The following CYFIP2 variants were observed in gnomAD, a reference collection of about 807,000 sequenced individuals.
CYFIP2 encodes the protein cytoplasmic FMR1-interacting protein 2.
Under a neutral mutation model 158.7 loss-of-function variants are expected in CYFIP2, and 29 were observed. The ratio of observed to expected loss-of-function variants is 0.18; its 90% confidence interval spans 0.14 to 0.25. The LOEUF (loss-of-function observed/expected upper bound fraction) is 0.25, where lower values mean the gene tolerates loss of function less well. Ranked by LOEUF, CYFIP2 falls within the 10% of genes least tolerant of loss-of-function variation. CYFIP2 has a pLI of 1.00. For synonymous variants in CYFIP2, 585 were observed against 617.6 expected (o/e 0.95, Z 0.78); for missense variants, 852 against 1,639.5 (o/e 0.52, Z 8.29).
At position 157,266,564 on chromosome 5, in the gene CYFIP2, C is replaced by A. The variant is rs887525139; in HGVS notation, c.-24+369C>A. On this transcript the variant is annotated intron_variant, in intron 1 of 30. Transcript: ENST00000620254. The surrounding 1 kb of genome is among the most constrained non-coding windows in gnomAD (Gnocchi z 4.2). ...CCTGCAGCGGCCGCGAGCCCGGCAG[C>A]GGCGACATCCTCGAGTCCAGGTACT... 1 of 152,428 alleles carries A rather than the reference C, an allele frequency of 6.6e-6. No homozygotes were observed. The highest frequency in any genetic ancestry group is 2.4e-5 in the African/African-American group (1 of 41,456). 9.4% of individuals were successfully genotyped at this position (152,428 alleles called of 1,614,324 possible).
chr5:157,339,331 C>G, intron 22 of CYFIP2, 75 bp downstream of exon 22: 1 of 1,362,322 alleles, frequency 7.3e-7, no homozygotes, highest in Non-Finnish European at 1.0e-6. Flanking sequence ...AAACTAGGCC[C>G]AGTACATGTG....
intron 26 of CYFIP2, among the ~76,000 whole-genome samples, chr5:157,373,860 A>G (rs984495483): frequency 6.6e-6 from 1 of 152,194 alleles, no homozygotes; most frequent in Non-Finnish European, 1.5e-5. Context: ...TAAAAAATTT[A>G]TCTGCATTTT....
At chr5:157,330,407 A>T (rs182272559) in intron 19 of CYFIP2, among the ~76,000 whole-genome samples, 2 of 152,278 alleles carry the variant, frequency 1.3e-5, no homozygotes, top group Non-Finnish European at 2.9e-5. Context: ...TATAAACTCC[A>T]TGAGGACAGG....
Position 157,395,499 on chromosome 5 carries a change from T to C in CYFIP2, c.*2499T>C. 3.5e-6 allele frequency: 2 copies of C among 575,944 alleles called. No individual in the cohort carries two copies. The highest frequency in any genetic ancestry group is 2.6e-5 in the Admixed American group (1 of 37,826). 35.7% of individuals were successfully genotyped at this position (575,944 alleles called of 1,614,324 possible). A position where few individuals can be genotyped will look rare whatever the true frequency, so the allele number is the denominator to read the frequency against. On this transcript the variant is annotated 3_prime_UTR_variant, in exon 31 of 31. Transcript: ENST00000620254. ...TCTTAAATCATATTTGCTATGCAGCTGAAGATGATATTTTGATTTGTATTT... is the reference window on the plus strand; with the variant it reads ...TCTTAAATCATATTTGCTATGCAGCCGAAGATGATATTTTGATTTGTATTT...
intron 1 of CYFIP2, among the ~76,000 whole-genome samples, chr5:157,282,738 G>C (rs1757083206): frequency 6.6e-6 from 1 of 152,222 alleles, no homozygotes. Flanking sequence ...GGTAGATCCT[G>C]TTTCTCCATA....
chr5:157,304,162 T>C lies in CYFIP2; in HGVS notation c.667-76T>C. ...CAGCGGGGACCACACCGGCCAGCTG[T>C]AGGGCTTCTGCAGGGGTGCAGGTGA... On this transcript the variant is annotated intron_variant, in intron 7 of 30. Coordinates refer to ENST00000620254, the MANE Select transcript of CYFIP2 (RefSeq NM_001037333.3). 5 of 1,527,762 alleles carry C rather than the reference T, an allele frequency of 3.3e-6. No individual in the cohort carries two copies. In the South Asian group the frequency reaches 4.9e-5, roughly 15 times the overall value. The allele number at this position is 1,527,762 out of a possible 1,614,324, so 94.6% of individuals were successfully genotyped here. A position where few individuals can be genotyped will look rare whatever the true frequency, so the allele number is the denominator to read the frequency against.
At chr5:157,274,524 C>G (rs1157905328) in intron 1 of CYFIP2, among the ~76,000 whole-genome samples, 1 of 152,188 alleles carries the variant, frequency 6.6e-6, no homozygotes, top group Non-Finnish European at 1.5e-5. Flanking sequence ...AATAATGGTG[C>G]CATGAACATC....
intron 4 of CYFIP2, 47 bp downstream of exon 4, chr5:157,294,907 A>G (rs1198027110): frequency 6.7e-7 from 1 of 1,481,766 alleles, no homozygotes; most frequent in African/African-American, 1.4e-5. Flanking sequence ...AGAGGGCATT[A>G]CTAACCCCTA....
chr5:157,392,300 C>T (rs779923278), intron 30 of CYFIP2, among the ~76,000 whole-genome samples: 3 of 152,104 alleles, frequency 2.0e-5, no homozygotes, highest in Non-Finnish European at 4.4e-5. Context: ...ATATTATTGC[C>T]AAATCCAACA....
At chr5:157,375,425 CTGATTTCAGGT>C (rs1765368852) in intron 26 of CYFIP2, among the ~76,000 whole-genome samples, 1 of 152,120 alleles carries the variant, frequency 6.6e-6, no homozygotes, top group South Asian at 2.1e-4. Flanking sequence ...CTCTCTCAGC[CTGATTTCAGGT>C]TGATTTCCAT....
At position 157,326,178 on chromosome 5, in the gene CYFIP2, C is replaced by T; in HGVS notation, c.1990C>T (p.Leu664Phe). Residue 664 changes from leucine (L) to phenylalanine (F), a missense_variant, in exon 18 of 31, where the codon CTC becomes TTC. This residue lies in a region of CYFIP2 where 167 missense variants were observed against 343.3 expected (regional missense o/e 0.49). Transcript: ENST00000620254. ...TKEPSMMEYV[L>F]YPLDLYNDSA... ...GTGTTTTTCCCTCTTCAGGTATGTC[C>T]TCTACCCTCTGGATCTGTACAACGA... is the stretch of plus-strand genomic sequence containing the variant. 1 of 1,613,542 alleles carries T rather than the reference C, an allele frequency of 6.2e-7. No individual in the cohort carries two copies. The highest frequency in any genetic ancestry group is 8.5e-7 in the Non-Finnish European group (1 of 1,179,482).
chr5:157,361,702 C>T lies in CYFIP2; in HGVS notation c.3039+104C>T. 2 of 1,391,932 alleles carry T rather than the reference C, an allele frequency of 1.4e-6. No homozygotes were observed. The highest frequency in any genetic ancestry group is 1.3e-5 in the South Asian group (1 of 77,764). The allele number at this position is 1,391,932 out of a possible 1,614,324, so 86.2% of individuals were successfully genotyped here. A position where few individuals can be genotyped will look rare whatever the true frequency, so the allele number is the denominator to read the frequency against. On this transcript the variant is annotated intron_variant, in intron 26 of 30. Coordinates refer to ENST00000620254, the MANE Select transcript of CYFIP2 (RefSeq NM_001037333.3). The surrounding 1 kb of genome is among the most constrained non-coding windows in gnomAD (Gnocchi z 4.4). Reference sequence around the variant, plus strand: ...GCAGCATTGATTTGTGCTTTGAGTACAAGCTCACATGCTCTTTTCAGTTCA... The same window carrying T: ...GCAGCATTGATTTGTGCTTTGAGTATAAGCTCACATGCTCTTTTCAGTTCA...
At chr5:157,325,342 G>C in intron 16 of CYFIP2, 140 bp from the exon 17 acceptor site, 1 of 919,084 alleles carries the variant, frequency 1.1e-6, no homozygotes, top group Non-Finnish European at 1.5e-6. Context: ...AAGTAAAAGA[G>C]AGCAGGATCT....
intron 8 of CYFIP2, among the ~76,000 whole-genome samples, chr5:157,305,483 C>T (rs1759136690): frequency 6.6e-6 from 1 of 152,200 alleles, no homozygotes; most frequent in African/African-American, 2.4e-5. Flanking sequence ...TTAAATCTCT[C>T]ACAATCTCTT....
chr5:157,319,155 C>T (rs911556295), intron 13 of CYFIP2, among the ~76,000 whole-genome samples: 5 of 152,262 alleles, frequency 3.3e-5, no homozygotes, highest in Admixed American at 3.3e-4. Flanking sequence ...TCTCATCACA[C>T]GTGCCTGAAT....
chr5:157,348,336 T>G (rs10040722), intron 23 of CYFIP2, among the ~76,000 whole-genome samples: 87 of 152,232 alleles, frequency 5.7e-4, no homozygotes, highest in African/African-American at 1.9e-3. Context: ...AGCCTTGACC[T>G]CCCAAGGCTC....
chr5:157,369,558 CAT>C (rs1382126476), intron 26 of CYFIP2, among the ~76,000 whole-genome samples: 2 of 152,174 alleles, frequency 1.3e-5, no homozygotes, highest in Admixed American at 6.5e-5. Flanking sequence ...AGAGGCAATC[CAT>C]CACCTTCATC....
chr5:157,301,242 A>G (rs899549034), intron 6 of CYFIP2, among the ~76,000 whole-genome samples: 4 of 152,234 alleles, frequency 2.6e-5, no homozygotes, highest in African/African-American at 9.6e-5. Flanking sequence ...TTCTGCAAGA[A>G]TCATAAAGCC....
chr5:157,312,625 G>A (rs1339623964), intron 11 of CYFIP2, among the ~76,000 whole-genome samples: 1 of 152,210 alleles, frequency 6.6e-6, no homozygotes, highest in East Asian at 1.9e-4. Context: ...CAGCCATGGT[G>A]ACTGTACTTT....
Sources: gnomAD v4.1 joint callset for allele counts (sites outside exome capture counted in the v4.1 genomes callset) on GRCh38, gnomAD v4.1.1 for gene constraint, gnomAD v4.1.1 regional missense constraint, Gnocchi (gnomAD v3.1) non-coding constraint, MANE v1.5 for transcripts, NCBI Gene and HGNC (gene_info 2026-07-23, HGNC 2026-07-21) for gene names.